The following PLVAP variants were observed in gnomAD, a reference collection of about 807,000 sequenced individuals.
PLVAP encodes the protein plasmalemma vesicle associated protein, also known as plasmalemma vesicle-associated protein.
A neutral mutation model predicts 43.1 loss-of-function variants in PLVAP; 34 were observed. The ratio of observed to expected loss-of-function variants is 0.79; its 90% CI spans 0.60 to 1.05. The LOEUF (loss-of-function observed/expected upper bound fraction) is 1.05. PLVAP is among the 50% of genes least tolerant of loss of function. The probability of loss-of-function intolerance (pLI) is 0.00; values close to 1 mark genes in which losing one functional copy is unlikely to be tolerated. For synonymous variants in PLVAP, 241 were observed against 237.3 expected, an observed-to-expected ratio of 1.02 and a Z score of -0.14; for missense variants, 574 against 593.4, an observed-to-expected ratio of 0.97 and a Z score of 0.34.
rs1434606650 is a variant in PLVAP, at chr19:17,352,087, G to A, written c.*275C>T. 15 of 528,924 alleles carry A rather than the reference G, an allele frequency of 2.8e-5. No individual in the cohort carries two copies. Among genetic ancestry groups the A allele is most frequent in the South Asian group, 2.3e-4 (9 of 38,412 alleles). 32.8% of individuals were successfully genotyped at this position (528,924 alleles called of 1,614,324 possible). A position where few individuals can be genotyped will look rare whatever the true frequency, so the allele number is the denominator to read the frequency against. Reference sequence around the variant, plus strand: ...TATATCTCTTCGTGACGTCTACATGGCCACGTGACGCCATCACCACGGTGA... The same window carrying A: ...TATATCTCTTCGTGACGTCTACATGACCACGTGACGCCATCACCACGGTGA... On this transcript the variant is annotated 3_prime_UTR_variant, in exon 6 of 6. Transcript: ENST00000252590.
In PLVAP at chr19:17,365,334, C is replaced by T; in HGVS notation, c.1131G>A (p.Met377Ile). 1 of 1,613,370 alleles carries T rather than the reference C, an allele frequency of 6.2e-7. No homozygotes were observed. Among genetic ancestry groups the T allele is most frequent in the Non-Finnish European group, 8.5e-7 (1 of 1,180,022 alleles). Residue 377 changes from methionine to isoleucine, a missense_variant, in exon 3 of 6, where the codon ATG becomes ATA. Coordinates refer to ENST00000252590, the MANE Select transcript of PLVAP (RefSeq NM_031310.3). ...GGGCTGAGTTTCTGATGGCCAGCTC[C>T]ATCCTGAGCTGCTCCGCCTCCCTCT... Reference protein sequence around the residue: ...EKKREAEQLRMELAIRNSALD... With the variant: ...EKKREAEQLRIELAIRNSALD...
intron 5 of PLVAP, among the ~76,000 whole-genome samples, chr19:17,353,289 G>A (rs535225015): frequency 6.6e-6 from 1 of 152,190 alleles, no homozygotes; most frequent in African/African-American, 2.4e-5. Context: ...AGCCTGCAAG[G>A]CTCCATCTTT....
chr19:17,375,223 G>A (rs2074590276), intron 1 of PLVAP, among the ~76,000 whole-genome samples: 1 of 152,036 alleles, frequency 6.6e-6, no homozygotes. Context: ...CTCCCAAAGT[G>A]CTGGGATTAC....
intron 1 of PLVAP, among the ~76,000 whole-genome samples, chr19:17,368,563 G>T (rs908216688): frequency 5.9e-5 from 9 of 152,004 alleles, no homozygotes; most frequent in Admixed American, 2.0e-4. Flanking sequence ...CCTTAGGGTG[G>T]GTCCTAATCC....
intron 3 of PLVAP, 54 bp from the exon 4 acceptor site, chr19:17,360,886 C>G: frequency 7.2e-7 from 1 of 1,393,816 alleles, no homozygotes; most frequent in Non-Finnish European, 1.0e-6. Context: ...CCCAGACAGG[C>G]TTCTGCCTTT....
chr19:17,376,830 C>A (rs895026204), intron 1 of PLVAP, 90 bp downstream of exon 1: 6 of 1,243,124 alleles, frequency 4.8e-6, no homozygotes, highest in Non-Finnish European at 4.5e-6. Context: ...CTGTGATCGT[C>A]CCCCTCTCTT....
chr19:17,368,329 C>G (rs575325147), intron 1 of PLVAP, among the ~76,000 whole-genome samples: 1 of 151,854 alleles, frequency 6.6e-6, no homozygotes, highest in African/African-American at 2.4e-5. Context: ...ACCTCGGCCT[C>G]CTAAAGTGCT....
At chr19:17,371,813 A>C (rs2074573148) in intron 1 of PLVAP, among the ~76,000 whole-genome samples, 1 of 152,224 alleles carries the variant, frequency 6.6e-6, no homozygotes, top group Admixed American at 6.5e-5. Flanking sequence ...AAGTGTTCAC[A>C]ATTTAACAAA....
intron 5 of PLVAP, 129 bp downstream of exon 5, chr19:17,360,399 C>A (rs529044718): frequency 2.1e-6 from 2 of 940,058 alleles, no homozygotes; most frequent in Non-Finnish European, 3.4e-6. Context: ...CATACATGAC[C>A]TAGTATACAG....
rs977855519 is a variant in PLVAP at position 17,360,990 on chromosome 19, T to C, written c.1180-158A>G. The C allele has an allele frequency of 5.6e-5, 37 of 657,032 alleles. No homozygotes were observed. The South Asian group carries it at 6.7e-4, about 12-fold the overall frequency. 40.7% of individuals were successfully genotyped at this position (657,032 alleles called of 1,614,324 possible). A position where few individuals can be genotyped will look rare whatever the true frequency, so the allele number is the denominator to read the frequency against. On this transcript the variant is annotated intron_variant, in intron 3 of 5. Transcript: ENST00000252590. ...AGTGCAGTGGTGTGATCTTGGCTCA[T>C]TGCAAACTCTGCCTCCCAGGTTCAA... is the stretch of plus-strand genomic sequence containing the variant.
intron 5 of PLVAP, among the ~76,000 whole-genome samples, chr19:17,358,801 A>T (rs543800933): frequency 8.2e-6 from 1 of 121,930 alleles, no homozygotes; most frequent in South Asian, 2.6e-4. Flanking sequence ...TTCAGAGACT[A>T]TCTTTTTTTT....
rs1378302942 is a variant in PLVAP at position 17,365,470 on chromosome 19, C to T, written c.995G>A (p.Arg332Gln). 1.2e-5 allele frequency: 19 copies of T among 1,612,606 alleles called. No individual in the cohort carries two copies. Among genetic ancestry groups the T allele is most frequent in the Middle Eastern group, 1.6e-4 (1 of 6,084 alleles). ...KQKVEKEAQA[R>Q]EAKLQAECSR... ...GCATTCAGCTTGGAGCTTGGCCTCC[C>T]GGGCCTGAGCCTCCTTCTCCACCTT... The change falls in exon 3 of 6, where the codon CGG (arginine) becomes CAG (glutamine). Residue 332 changes from arginine (R) to glutamine (Q), a missense_variant. Transcript: ENST00000252590.
At chr19:17,376,685 C>G (rs2074596493) in intron 1 of PLVAP, among the ~76,000 whole-genome samples, 1 of 152,170 alleles carries the variant, frequency 6.6e-6, no homozygotes, top group South Asian at 2.1e-4. Context: ...GTAATCCCAG[C>G]TACTCGGGAG....
chr19:17,368,715 C>G (rs529153215), intron 1 of PLVAP, among the ~76,000 whole-genome samples: 1 of 152,054 alleles, frequency 6.6e-6, no homozygotes. Context: ...TGGTGGCTCA[C>G]GCCTGTAATC....
At chr19:17,372,545 C>A (rs564137280) in intron 1 of PLVAP, among the ~76,000 whole-genome samples, 1 of 150,238 alleles carries the variant, frequency 6.7e-6, no homozygotes, top group African/African-American at 2.4e-5. Flanking sequence ...CAAGCTCCGC[C>A]TCCCGGGTTC....
rs141106508 is a variant in PLVAP at position 17,365,401 on chromosome 19, C to T, written c.1064G>A (p.Arg355Gln). The change falls in exon 3 of 6, where the codon CGG becomes CAG. Residue 355 changes from arginine (R) to glutamine (Q), a missense_variant. Physicochemically the swap from Arg to Gln is conservative, Grantham distance 43. Coordinates refer to ENST00000252590, the MANE Select transcript of PLVAP (RefSeq NM_031310.3). ...QLALEEKAVLRKERDNLAKEL... is the reference protein window; with the variant it reads ...QLALEEKAVLQKERDNLAKEL... Reference sequence around the variant, plus strand: ...CTTGGCCAGGTTGTCTCGTTCCTTCCGCAGCACCGCCTTCTCCTCCAGCGC... The same window carrying T: ...CTTGGCCAGGTTGTCTCGTTCCTTCTGCAGCACCGCCTTCTCCTCCAGCGC... The T allele has an allele frequency of 1.1e-4, 170 of 1,613,110 alleles. No individual in the cohort carries two copies. The highest frequency in any genetic ancestry group is 1.3e-4 in the East Asian group (6 of 44,824).
At chr19:17,371,614 T>C (rs1033522390) in intron 1 of PLVAP, among the ~76,000 whole-genome samples, 2 of 152,014 alleles carry the variant, frequency 1.3e-5, no homozygotes, top group African/African-American at 4.8e-5. Flanking sequence ...CCTCAGTCTC[T>C]CAAGTAGCTG....
chr19:17,367,897 T>G (rs2074556482), intron 1 of PLVAP, among the ~76,000 whole-genome samples: 2 of 151,654 alleles, frequency 1.3e-5, no homozygotes, highest in African/African-American at 4.8e-5. Flanking sequence ...GGTTTTTTTG[T>G]TTTTGTTTTT....
Position 17,365,436 on chromosome 19 carries a change from C to A in PLVAP, c.1029G>T (p.Gln343His). The A allele has an allele frequency of 6.2e-7, 1 of 1,613,150 alleles. No individual in the cohort carries two copies. The highest frequency in any genetic ancestry group is 1.1e-5 in the South Asian group (1 of 91,080). Residue 343 changes from glutamine (Q) to histidine (H), a missense_variant, in exon 3 of 6, where the codon CAG becomes CAT. Gln to His is a conservative substitution (Grantham distance 24). Coordinates refer to ENST00000252590, the MANE Select transcript of PLVAP (RefSeq NM_031310.3). ...CCTTCTCCTCCAGCGCTAGCTGGGT[C>A]TGCCGGGAGCATTCAGCTTGGAGCT... is the stretch of plus-strand genomic sequence containing the variant. ...EAKLQAECSRQTQLALEEKAV... is the reference protein window; with the variant it reads ...EAKLQAECSRHTQLALEEKAV...
Sources: allele counts gnomAD v4.1 joint callset (sites outside exome capture counted in the v4.1 genomes callset), GRCh38; gene constraint gnomAD v4.1.1; transcripts MANE v1.5; gene names NCBI Gene and HGNC (gene_info 2026-07-23, HGNC 2026-07-21).